The following PINX1 variants were observed in gnomAD, a reference collection of about 807,000 sequenced individuals.
The protein encoded by PINX1 is PIN2/TERF1-interacting telomerase inhibitor 1.
In PINX1, 34 loss-of-function variants were observed where a neutral mutation model predicts 25.4. That is an observed-to-expected ratio of 1.34 (90% CI 1.02 to 1.78). The LOEUF is 1.78. Ranked by LOEUF, PINX1 falls within the 40% of genes most tolerant of loss-of-function variation. The probability of loss-of-function intolerance (pLI) is 0.00; values close to 1 mark genes in which losing one functional copy is unlikely to be tolerated. For missense variants in PINX1, 592 were observed against 404.9 expected, an observed-to-expected ratio of 1.46 and a Z score of -3.97; for synonymous variants, 197 against 147.7, an observed-to-expected ratio of 1.33 and a Z score of -2.42.
At chr8:10,796,936 AC>A (rs545227569) in intron 6 of PINX1, among the ~76,000 whole-genome samples, 2 of 151,988 alleles carry the variant, frequency 1.3e-5, no homozygotes, top group Non-Finnish European at 2.9e-5. Context: ...CCAAACATCT[AC>A]CAGCAACACT....
intron 5 of PINX1, among the ~76,000 whole-genome samples, chr8:10,823,068 A>G (rs539491894): frequency 1.3e-5 from 2 of 152,340 alleles, no homozygotes; most frequent in East Asian, 1.9e-4. Context: ...AGTCAGTGTG[A>G]GTGACACAGG....
chr8:10,824,039 A>G, intron 5 of PINX1, among the ~76,000 whole-genome samples: 1 of 152,220 alleles, frequency 6.6e-6, no homozygotes, highest in East Asian at 1.9e-4. Context: ...TACAGTCGTT[A>G]TCAGCATACC....
chr8:10,803,173 A>G (rs1167345930), intron 6 of PINX1, among the ~76,000 whole-genome samples: 2 of 152,240 alleles, frequency 1.3e-5, no homozygotes, highest in Non-Finnish European at 2.9e-5. Context: ...AGTTTGCCAC[A>G]TTGTTACATC....
rs1166922706 is a variant in PINX1, at chr8:10,776,796, G to GGCTGGAGAC, written c.472-10889_472-10881dup. ...CGCCACCCTGCTCCCTTCAGACTACGGCTGGAGACGCTGGAGACGCAGAGC... is the reference window on the plus strand; with the variant it reads ...CGCCACCCTGCTCCCTTCAGACTACGGCTGGAGACGCTGGAGACGCTGGAGACGCAGAGC... On this transcript the variant is annotated intron_variant, in intron 6 of 6. Transcript: ENST00000314787. Among the ~76,000 whole-genome samples the GGCTGGAGAC allele has an allele frequency of 2.8e-4, 43 of 152,216 alleles. 1 individual carries two copies. The highest frequency in any genetic ancestry group is 2.5e-3 in the Admixed American group (38 of 15,284).
intron 6 of PINX1, among the ~76,000 whole-genome samples, chr8:10,809,043 C>G (rs1234216800): frequency 6.6e-6 from 1 of 152,208 alleles, no homozygotes; most frequent in African/African-American, 2.4e-5. Context: ...TGTCATTCCC[C>G]TTTGACTGAT....
At chr8:10,819,003 C>T (rs1467159670) in intron 6 of PINX1, among the ~76,000 whole-genome samples, 1 of 152,178 alleles carries the variant, frequency 6.6e-6, no homozygotes, top group African/African-American at 2.4e-5. Flanking sequence ...TTTCCAGCAG[C>T]CCCTTGTGAA....
chr8:10,811,927 G>GT (rs1471231022), intron 6 of PINX1, among the ~76,000 whole-genome samples: 1 of 152,202 alleles, frequency 6.6e-6, no homozygotes, highest in Non-Finnish European at 1.5e-5. Context: ...TGTGGAGGTG[G>GT]TAAGGGCCCA....
chr8:10,797,408 G>A (rs373730161), intron 6 of PINX1, among the ~76,000 whole-genome samples: 1 of 152,184 alleles, frequency 6.6e-6, no homozygotes, highest in South Asian at 2.1e-4. Flanking sequence ...AAGCCTGCTA[G>A]CAGAGCCTCA....
At chr8:10,816,658 C>G (rs578058646) in intron 6 of PINX1, among the ~76,000 whole-genome samples, 9 of 152,328 alleles carry the variant, frequency 5.9e-5, no homozygotes, top group African/African-American at 2.2e-4. Context: ...ATCATTTTCC[C>G]ACAAAGTTAC....
chr8:10,778,324 G>A (rs1801476590), intron 6 of PINX1, among the ~76,000 whole-genome samples: 1 of 151,994 alleles, frequency 6.6e-6, no homozygotes, highest in Admixed American at 6.5e-5. Context: ...ATATAAATAT[G>A]CTAAATTGAT....
At chr8:10,771,422 G>C (rs1012339152) in intron 6 of PINX1, 1 of 152,270 alleles carries the variant, frequency 6.6e-6, no homozygotes, top group Admixed American at 6.5e-5. Flanking sequence ...CCAATCCCAA[G>C]TGAACATCCT....
In PINX1 at chr8:10,765,769, C is replaced by T. The variant is rs1455000878; in HGVS notation, c.619G>A (p.Val207Met). The T allele has an allele frequency of 1.2e-6, 2 of 1,613,984 alleles. No homozygotes were observed. Among genetic ancestry groups the T allele is most frequent in the Admixed American group, 3.3e-5 (2 of 60,026 alleles). Reference sequence around the variant, plus strand: ...CTTTTCTTCCCCCTTTTACGTTCCACCTGCGTCTCAGAAATGTCAGACCCT... The same window carrying T: ...CTTTTCTTCCCCCTTTTACGTTCCATCTGCGTCTCAGAAATGTCAGACCCT... ...VPGSDISETQ[V>M]ERKRGKKRNK... Residue 207 changes from valine (V) to methionine (M), a missense_variant, in exon 7 of 7, where the codon GTG becomes ATG. Val to Met is a conservative substitution (Grantham distance 21, BLOSUM62 1). Coordinates refer to ENST00000314787, the MANE Select transcript of PINX1 (RefSeq NM_017884.6).
intron 5 of PINX1, among the ~76,000 whole-genome samples, chr8:10,825,724 G>T (rs1798017664): frequency 6.6e-6 from 1 of 152,130 alleles, no homozygotes; most frequent in African/African-American, 2.4e-5. Context: ...CACACTGGAG[G>T]TATCAATATA....
At chr8:10,783,386 G>C (rs1024362524) in intron 6 of PINX1, among the ~76,000 whole-genome samples, 6 of 152,172 alleles carry the variant, frequency 3.9e-5, no homozygotes, top group Non-Finnish European at 8.8e-5. Context: ...TTACAGACTA[G>C]CCATCAGTGT....
At chr8:10,816,324 C>G (rs938142849) in intron 6 of PINX1, among the ~76,000 whole-genome samples, 1 of 152,210 alleles carries the variant, frequency 6.6e-6, no homozygotes. Flanking sequence ...TTGCAACATC[C>G]TGTTCATCTA....
intron 6 of PINX1, among the ~76,000 whole-genome samples, chr8:10,776,296 C>T (rs1801391806): frequency 6.6e-6 from 1 of 151,980 alleles, no homozygotes; most frequent in South Asian, 2.1e-4. Flanking sequence ...TGTGGTGGTG[C>T]AGCCTGTAAT....
chr8:10,817,505 A>C (rs545326274), intron 6 of PINX1, among the ~76,000 whole-genome samples: 1 of 152,312 alleles, frequency 6.6e-6, no homozygotes, highest in South Asian at 2.1e-4. Context: ...GAACATCCAC[A>C]AGGATGTCAA....
At chr8:10,815,349 C>T (rs548315903) in intron 6 of PINX1, among the ~76,000 whole-genome samples, 4 of 152,140 alleles carry the variant, frequency 2.6e-5, no homozygotes, top group Non-Finnish European at 5.9e-5. Context: ...ATTGTTGTTT[C>T]GCTTTGATAT....
At chr8:10,807,909 G>C (rs1316266145) in intron 6 of PINX1, among the ~76,000 whole-genome samples, 1 of 152,206 alleles carries the variant, frequency 6.6e-6, no homozygotes, top group Non-Finnish European at 1.5e-5. Flanking sequence ...GAAATCTTAA[G>C]AGAGAGGTCT....
Sources: gnomAD v4.1 joint callset for allele counts (sites outside exome capture counted in the v4.1 genomes callset) on GRCh38, gnomAD v4.1.1 for gene constraint, MANE v1.5 for transcripts, NCBI Gene and HGNC (gene_info 2026-07-23, HGNC 2026-07-21) for gene names.